The following LHFPL6 variants were observed in gnomAD, a reference collection of about 807,000 sequenced individuals.
The protein encoded by LHFPL6 is LHFPL tetraspan subfamily member 6 protein.
LHFPL6 carries 9 observed loss-of-function variants against 20.6 expected under a neutral mutation model. That is an observed-to-expected ratio of 0.44 (90% confidence interval 0.26 to 0.76). The LOEUF is 0.76. LHFPL6 is among the 30% of genes least tolerant of loss of function. The pLI, the probability that LHFPL6 is intolerant of heterozygous loss-of-function variation, is 0.20. For synonymous variants in LHFPL6, 105 were observed against 98.7 expected (o/e 1.06, Z -0.38); for missense variants, 218 against 253.5 (o/e 0.86, Z 0.95).
chr13:39,422,220 T>C (rs1446639100), intron 2 of LHFPL6, among the ~76,000 whole-genome samples: 3 of 152,184 alleles, frequency 2.0e-5, no homozygotes, highest in Non-Finnish European at 4.4e-5. Context: ...TAATCTTCTA[T>C]GTAAGTGGCA....
chr13:39,534,395 C>A (rs1870556555), intron 2 of LHFPL6, among the ~76,000 whole-genome samples: 2 of 152,318 alleles, frequency 1.3e-5, no homozygotes, highest in South Asian at 4.1e-4. Flanking sequence ...TGGTGTTAAG[C>A]ATCCCATATA....
At chr13:39,409,564 G>A (rs1871203153) in intron 2 of LHFPL6, among the ~76,000 whole-genome samples, 1 of 152,184 alleles carries the variant, frequency 6.6e-6, no homozygotes, top group Non-Finnish European at 1.5e-5. Context: ...CATCCCTGAA[G>A]GGTTTCAGGG....
chr13:39,574,336 G>A (rs1398998906), intron 2 of LHFPL6, among the ~76,000 whole-genome samples: 9 of 152,032 alleles, frequency 5.9e-5, no homozygotes, highest in Non-Finnish European at 1.3e-4. Context: ...CAAAAAATTA[G>A]CCAGATGTGG....
chr13:39,381,101 G>T (rs1301217647), intron 2 of LHFPL6, among the ~76,000 whole-genome samples: 1 of 152,130 alleles, frequency 6.6e-6, no homozygotes, highest in Non-Finnish European at 1.5e-5. Flanking sequence ...TGGAAAAATT[G>T]TCTTCCATGA....
At chr13:39,518,090 AC>A (rs1217979920) in intron 2 of LHFPL6, among the ~76,000 whole-genome samples, 1 of 152,028 alleles carries the variant, frequency 6.6e-6, no homozygotes, top group African/African-American at 2.4e-5. Context: ...TCATCAGGTC[AC>A]CCCCTGCTTC....
At chr13:39,584,165 A>G (rs1285853143) in intron 2 of LHFPL6, among the ~76,000 whole-genome samples, 3 of 152,196 alleles carry the variant, frequency 2.0e-5, no homozygotes, top group Non-Finnish European at 4.4e-5. Context: ...CAAGATCCAG[A>G]CTTTTCTGAG....
chr13:39,526,569 C>A (rs961348761), intron 2 of LHFPL6, among the ~76,000 whole-genome samples: 1 of 152,188 alleles, frequency 6.6e-6, no homozygotes, highest in East Asian at 1.9e-4. Context: ...TTCTTTCCAC[C>A]GGTCTAGTGC....
At chr13:39,498,896 T>C (rs563037552) in intron 2 of LHFPL6, among the ~76,000 whole-genome samples, 1 of 152,082 alleles carries the variant, frequency 6.6e-6, no homozygotes, top group Non-Finnish European at 1.5e-5. Context: ...AGCCTTGCTC[T>C]GCCATCCAGG....
At chr13:39,344,163 G>T in intron 3 of LHFPL6, 109 bp from the exon 4 acceptor site, 1 of 750,378 alleles carries the variant, frequency 1.3e-6, no homozygotes, top group Non-Finnish European at 2.2e-6. Context: ...TTAGGAATAT[G>T]GTATCCTCGC....
At chr13:39,385,993 T>C (rs989201103) in intron 2 of LHFPL6, among the ~76,000 whole-genome samples, 4 of 152,184 alleles carry the variant, frequency 2.6e-5, no homozygotes, top group African/African-American at 9.7e-5. Flanking sequence ...CCTTGAGTGG[T>C]CACACCAGTG....
At chr13:39,479,628 AAAC>A (rs1284964906) in intron 2 of LHFPL6, among the ~76,000 whole-genome samples, 1 of 152,206 alleles carries the variant, frequency 6.6e-6, no homozygotes. Flanking sequence ...TCGGCACTAT[AAAC>A]ATGTTTTGAG....
chr13:39,600,810 TC>T, intron 2 of LHFPL6, 21 bp downstream of exon 2: 1 of 1,468,020 alleles, frequency 6.8e-7, no homozygotes, highest in Non-Finnish European at 9.0e-7. Context: ...AGTAAACAAC[TC>T]AAGCTCAGCA....
At chr13:39,476,673 A>G (rs984692940) in intron 2 of LHFPL6, among the ~76,000 whole-genome samples, 1 of 152,230 alleles carries the variant, frequency 6.6e-6, no homozygotes, top group Non-Finnish European at 1.5e-5. Flanking sequence ...TCTGGAACAT[A>G]AGTCTGGTAA....
intron 2 of LHFPL6, among the ~76,000 whole-genome samples, chr13:39,413,013 A>G (rs1385192450): frequency 2.6e-5 from 4 of 152,190 alleles, no homozygotes; most frequent in Admixed American, 2.0e-4. Context: ...CATCTTCACT[A>G]TATTACACCT....
At chr13:39,362,830 C>T (rs976424449) in intron 3 of LHFPL6, among the ~76,000 whole-genome samples, 4 of 152,248 alleles carry the variant, frequency 2.6e-5, no homozygotes, top group Admixed American at 6.5e-5. Flanking sequence ...CACACCAGCA[C>T]GAATCATACA....
chr13:39,382,268 T>C (rs1261179654), intron 2 of LHFPL6, among the ~76,000 whole-genome samples: 1 of 152,236 alleles, frequency 6.6e-6, no homozygotes, highest in Non-Finnish European at 1.5e-5. Context: ...ATTGCCATCT[T>C]CTCAGGTTGC....
At chr13:39,429,310 C>T (rs1871727186) in intron 2 of LHFPL6, among the ~76,000 whole-genome samples, 1 of 151,918 alleles carries the variant, frequency 6.6e-6, no homozygotes, top group Non-Finnish European at 1.5e-5. Flanking sequence ...TTTTGAAGCT[C>T]TATAAATAGG....
chr13:39,496,877 C>G (rs1869119122), intron 2 of LHFPL6, among the ~76,000 whole-genome samples: 1 of 152,132 alleles, frequency 6.6e-6, no homozygotes, highest in Non-Finnish European at 1.5e-5. Context: ...GGGTATAGCT[C>G]AGTCACTAGG....
At chr13:39,566,417 CA>C (rs1871715703) in intron 2 of LHFPL6, among the ~76,000 whole-genome samples, 1 of 152,080 alleles carries the variant, frequency 6.6e-6, no homozygotes, top group African/African-American at 2.4e-5. Flanking sequence ...GCATCACTTA[CA>C]AAAGGTTACT....
Sources: gnomAD v4.1 joint callset for allele counts (sites outside exome capture counted in the v4.1 genomes callset) on GRCh38, gnomAD v4.1.1 for gene constraint, MANE v1.5 for transcripts, NCBI Gene and HGNC (gene_info 2026-07-23, HGNC 2026-07-21) for gene names.